The following XYLT1 variants were observed in gnomAD, a reference collection of about 807,000 sequenced individuals.
The protein encoded by XYLT1 is xylosyltransferase 1, also known as beta-D-xylosyltransferase 1.
XYLT1 carries 36 observed loss-of-function variants against 91.3 expected under a neutral mutation model. The ratio of observed to expected loss-of-function variants is 0.39; its 90% CI spans 0.30 to 0.52. The LOEUF (loss-of-function observed/expected upper bound fraction) is 0.52, where lower values mean the gene tolerates loss of function less well. Ranked by LOEUF, XYLT1 falls within the 20% of genes least tolerant of loss-of-function variation. The pLI is 0.68. For missense variants in XYLT1, 1,242 were observed against 1,284.5 expected (o/e 0.97, Z 0.51); for synonymous variants, 588 against 532.0 (o/e 1.11, Z -1.45).
chr16:17,134,863 G>A (rs2030651063), intron 8 of XYLT1, 128 bp from the exon 9 acceptor site: 1 of 1,112,946 alleles, frequency 9.0e-7, no homozygotes, highest in South Asian at 1.5e-5. Context: ...GATACTTTTT[G>A]CACCTCTGTG....
intron 6 of XYLT1, among the ~76,000 whole-genome samples, chr16:17,144,701 A>G (rs2031086890): frequency 6.6e-6 from 1 of 152,222 alleles, no homozygotes; most frequent in Non-Finnish European, 1.5e-5. Flanking sequence ...CATCCACACA[A>G]TGTAAAATAA....
intron 1 of XYLT1, among the ~76,000 whole-genome samples, chr16:17,377,116 G>C (rs1339147099): frequency 6.7e-6 from 1 of 149,704 alleles, no homozygotes; most frequent in African/African-American, 2.5e-5. Context: ...GGTGGAGGGT[G>C]CAGTGAGCCA....
intron 1 of XYLT1, among the ~76,000 whole-genome samples, chr16:17,411,975 T>C (rs1023095276): frequency 7.2e-5 from 11 of 151,988 alleles, no homozygotes; most frequent in Non-Finnish European, 1.3e-4. Context: ...TGTCTTTCTC[T>C]GGGCACATTT....
chr16:17,268,373 C>A (rs998398663), intron 2 of XYLT1, among the ~76,000 whole-genome samples: 1 of 152,058 alleles, frequency 6.6e-6, no homozygotes, highest in African/African-American at 2.4e-5. Context: ...TTAAGAATGC[C>A]TTAGTTTAAA....
intron 5 of XYLT1, among the ~76,000 whole-genome samples, chr16:17,192,031 T>C (rs2141580395): frequency 6.6e-6 from 1 of 151,718 alleles, no homozygotes; most frequent in African/African-American, 2.4e-5. Context: ...ACATCTGATT[T>C]GCCCCAAGAC....
intron 3 of XYLT1, among the ~76,000 whole-genome samples, chr16:17,237,251 A>T (rs1410203378): frequency 1.3e-5 from 2 of 152,234 alleles, no homozygotes; most frequent in African/African-American, 4.8e-5. Context: ...AGGGCTCCAG[A>T]AGGAGATCTG....
intron 1 of XYLT1, among the ~76,000 whole-genome samples, chr16:17,458,636 G>A (rs1051428225): frequency 1.3e-5 from 2 of 152,092 alleles, no homozygotes; most frequent in South Asian, 4.1e-4. Flanking sequence ...TCTTCAAACT[G>A]GTTAAGTTGA....
intron 2 of XYLT1, among the ~76,000 whole-genome samples, chr16:17,313,518 A>G (rs144308418): frequency 2.0e-3 from 298 of 152,274 alleles, no homozygotes; most frequent in African/African-American, 6.7e-3. Context: ...TGATCTATGC[A>G]TGTGGACAGG....
intron 5 of XYLT1, among the ~76,000 whole-genome samples, chr16:17,162,697 T>C (rs1466634404): frequency 1.3e-5 from 2 of 152,254 alleles, no homozygotes; most frequent in Admixed American, 1.3e-4. Flanking sequence ...AGAAATGCCA[T>C]ACTTCAGGCC....
intron 3 of XYLT1, among the ~76,000 whole-genome samples, chr16:17,237,825 G>C (rs146495593): frequency 2.0e-5 from 3 of 152,136 alleles, no homozygotes; most frequent in Admixed American, 2.0e-4. Context: ...AGTTAGCTGA[G>C]AGCCCAGGTA....
chr16:17,343,307 C>T (rs946694909), intron 2 of XYLT1, among the ~76,000 whole-genome samples: 6 of 152,268 alleles, frequency 3.9e-5, no homozygotes, highest in East Asian at 1.9e-4. Context: ...GACAGGCCTC[C>T]GGGATTGTGC....
chr16:17,107,848 C>T lies in XYLT1; in HGVS notation c.*847G>A, dbSNP rs929732075. 6.5e-6 allele frequency: 1 copy of T among 152,700 alleles called. No individual in the cohort carries two copies. The highest frequency in any genetic ancestry group is 1.5e-5 in the Non-Finnish European group (1 of 68,080). The allele number at this position is 152,700 out of a possible 1,614,324, so 9.5% of individuals were successfully genotyped here. A position where few individuals can be genotyped will look rare whatever the true frequency, so the allele number is the denominator to read the frequency against. ...TGAGTCTGGTGCTCACAAACATCAT[C>T]CTATTTCTGCTACTTTGTGTGGCAG... On this transcript the variant is annotated 3_prime_UTR_variant, in exon 12 of 12. Transcript: ENST00000261381.
intron 1 of XYLT1, among the ~76,000 whole-genome samples, chr16:17,412,210 G>A (rs544627456): frequency 6.6e-6 from 1 of 152,168 alleles, no homozygotes; most frequent in South Asian, 2.1e-4. Context: ...AGATCCTGGT[G>A]AGGTGCAGTT....
intron 10 of XYLT1, among the ~76,000 whole-genome samples, chr16:17,119,644 C>T (rs899691957): frequency 8.5e-5 from 13 of 152,306 alleles, no homozygotes; most frequent in African/African-American, 3.1e-4. Flanking sequence ...GCCAGGCAGA[C>T]GTGTCCATTC....
At chr16:17,466,631 A>C (rs1200469312) in intron 1 of XYLT1, among the ~76,000 whole-genome samples, 1 of 152,242 alleles carries the variant, frequency 6.6e-6, no homozygotes, top group Non-Finnish European at 1.5e-5. Flanking sequence ...TTTTTAAAAA[A>C]TGAATTGATA....
intron 1 of XYLT1, among the ~76,000 whole-genome samples, chr16:17,423,988 T>C (rs908874531): frequency 2.0e-5 from 3 of 152,146 alleles, no homozygotes; most frequent in Non-Finnish European, 4.4e-5. Context: ...CATGGGAACC[T>C]ATAGGACCGT....
At chr16:17,246,672 T>C (rs909198346) in intron 3 of XYLT1, among the ~76,000 whole-genome samples, 1 of 152,150 alleles carries the variant, frequency 6.6e-6, no homozygotes, top group African/African-American at 2.4e-5. Flanking sequence ...AGATCACACA[T>C]GCAAAGTGCT....
Position 17,372,871 on chromosome 16 carries a change from A to G in XYLT1, c.364-14821T>C, listed in dbSNP as rs1421723958. 6.6e-5 allele frequency among the ~76,000 whole-genome samples: 10 copies of G among 152,324 alleles called. No individual in the cohort carries two copies. The East Asian group carries it at 1.5e-3, about 23-fold the overall frequency. On this transcript the variant is annotated intron_variant, in intron 1 of 11. Transcript: ENST00000261381. ...TTATTAGGATTCACCGAATATCTGT[A>G]AAGCACTTACAACAATGTCTGATCA...
At chr16:17,268,834 G>A (rs776123749) in intron 2 of XYLT1, among the ~76,000 whole-genome samples, 7 of 151,964 alleles carry the variant, frequency 4.6e-5, no homozygotes, top group Non-Finnish European at 7.4e-5. Flanking sequence ...CACCATGCCC[G>A]ACTAATTTTT....
Sources: gnomAD v4.1 joint callset for allele counts (sites outside exome capture counted in the v4.1 genomes callset) on GRCh38, gnomAD v4.1.1 for gene constraint, MANE v1.5 for transcripts, NCBI Gene and HGNC (gene_info 2026-07-23, HGNC 2026-07-21) for gene names.